Variants in RASSF10 observed in about 807,000 individuals in gnomAD.
The protein encoded by RASSF10 is ras association domain-containing protein 10.
Under a neutral mutation model 41.5 loss-of-function variants are expected in RASSF10, and 22 were observed. That is an observed-to-expected ratio of 0.53 (90% confidence interval 0.38 to 0.76). The LOEUF is 0.76. Among genes scored for constraint, RASSF10 ranks in the 30% least tolerant of loss-of-function variants. RASSF10 has a pLI of 0.00. For missense variants in RASSF10, 776 were observed against 711.8 expected (o/e 1.09, Z -1.03); for synonymous variants, 364 against 319.0 (o/e 1.14, Z -1.50).
Position 13,009,944 on chromosome 11 carries a change from A to C in RASSF10, c.368A>C (p.Asn123Thr). Residue 123 changes from asparagine (N) to threonine (T), a missense_variant, in exon 1 of 1, where the codon AAT (asparagine) becomes ACT (threonine). Physicochemically the swap from Asn to Thr is moderately conservative, Grantham distance 65. Coordinates refer to ENST00000529419, the MANE Select transcript of RASSF10 (RefSeq NM_001080521.3). ...GCTGCCTGGGGCGAAGAGCAAGAGA[A>C]TGTGCGCTTCGTGCTAGTGCGCAGC... is the stretch of plus-strand genomic sequence containing the variant. Reference protein sequence around the residue: ...LWAAWGEEQENVRFVLVRSEA... With the variant: ...LWAAWGEEQETVRFVLVRSEA... 6.3e-7 allele frequency: 1 copy of C among 1,586,688 alleles called. No homozygotes were observed. Among genetic ancestry groups the C allele is most frequent in the South Asian group, 1.1e-5 (1 of 87,630 alleles).
At position 13,009,972 on chromosome 11, in the gene RASSF10, G is replaced by A; in HGVS notation, c.396G>A (p.Glu132=). Residue 132 remains glutamate (E), a synonymous_variant, in exon 1 of 1, where the codon GAG becomes GAA. Coordinates refer to ENST00000529419, the MANE Select transcript of RASSF10 (RefSeq NM_001080521.3). ...ENVRFVLVRS[E]ASLPNAGPRS... ...TGCGCTTCGTGCTAGTGCGCAGCGAGGCATCGCTGCCTAACGCCGGCCCCC... is the reference window on the plus strand; with the variant it reads ...TGCGCTTCGTGCTAGTGCGCAGCGAAGCATCGCTGCCTAACGCCGGCCCCC... 2 of 1,559,224 alleles carry A rather than the reference G, an allele frequency of 1.3e-6. No homozygotes were observed. Among genetic ancestry groups the A allele is most frequent in the Non-Finnish European group, 8.7e-7 (1 of 1,151,228 alleles).
Position 13,011,067 on chromosome 11 carries a change from G to T in RASSF10, c.1491G>T (p.Ser497=). ...TGAGCTCTATGCATAGCCAAGACTC[G>T]GACTCCTTGCCCATGTGCGAATCCC... The part of the protein sequence containing the change: ...TGLSSMHSQD[S]DSLPMCESLV The change falls in exon 1 of 1, where the codon TCG becomes TCT. Residue 497 remains serine (S), a synonymous_variant. Transcript: ENST00000529419. The T allele has an allele frequency of 2.1e-6, 3 of 1,401,396 alleles. No homozygotes were observed. Among genetic ancestry groups the T allele is most frequent in the Non-Finnish European group, 2.9e-6 (3 of 1,046,656 alleles). 86.8% of individuals were successfully genotyped at this position (1,401,396 alleles called of 1,614,324 possible). A position where few individuals can be genotyped will look rare whatever the true frequency, so the allele number is the denominator to read the frequency against.
rs745836688 is a variant in RASSF10 at position 13,011,013 on chromosome 11, T to A, written c.1437T>A (p.Pro479=). 2 of 1,612,830 alleles carry A rather than the reference T, an allele frequency of 1.2e-6. No individual in the cohort carries two copies. Among genetic ancestry groups the A allele is most frequent in the Non-Finnish European group, 1.7e-6 (2 of 1,179,744 alleles). Residue 479 remains proline, a synonymous_variant, in exon 1 of 1, where the codon CCT becomes CCA. Transcript: ENST00000529419. ...DQARGLAKSG[P]GNDEDSDTGL... Reference sequence around the variant, plus strand: ...CCCGTGGACTGGCCAAGAGCGGTCCTGGCAACGACGAAGACTCGGATACGG... The same window carrying A: ...CCCGTGGACTGGCCAAGAGCGGTCCAGGCAACGACGAAGACTCGGATACGG...
chr11:13,011,306 A>G lies in RASSF10; in HGVS notation c.*206A>G, dbSNP rs1377963771. ...GAGGGTAGAAGAAGTAGGATCCTCA[A>G]TACAAGCTCATTAAAGAGAGGGAAG... On this transcript the variant is annotated 3_prime_UTR_variant, in exon 1 of 1. Transcript: ENST00000529419. 4.4e-5 allele frequency: 24 copies of G among 542,252 alleles called. No individual in the cohort carries two copies. The highest frequency in any genetic ancestry group is 7.2e-5 in the Non-Finnish European group (22 of 305,780). The allele number at this position is 542,252 out of a possible 1,614,324, so 33.6% of individuals were successfully genotyped here. A position where few individuals can be genotyped will look rare whatever the true frequency, so the allele number is the denominator to read the frequency against.
At position 13,010,484 on chromosome 11, in the gene RASSF10, A is replaced by AGGCGGC; in HGVS notation, c.916_921dup (p.Ala306_Ala307dup). ...GAAGAGGTGGCGGCGGAGGCGGAGG[A>AGGCGGC]GGCGGCGGCGGCGCCCCCTCTAGCC... On this transcript the variant is annotated inframe_insertion, in exon 1 of 1. Coordinates refer to ENST00000529419, the MANE Select transcript of RASSF10 (RefSeq NM_001080521.3). This position sits in a 1 kb window ranked among gnomAD's most constrained non-coding sequence, Gnocchi z 4.8. The AGGCGGC allele has an allele frequency of 6.6e-7, 1 of 1,517,746 alleles. No homozygotes were observed. Among genetic ancestry groups the AGGCGGC allele is most frequent in the African/African-American group, 1.4e-5 (1 of 71,888 alleles). 94.0% of individuals were successfully genotyped at this position (1,517,746 alleles called of 1,614,324 possible). A position where few individuals can be genotyped will look rare whatever the true frequency, so the allele number is the denominator to read the frequency against.
chr11:13,010,200 G>C lies in RASSF10; in HGVS notation c.624G>C (p.Ser208=), dbSNP rs544167868. ...CGTCCACTTCGTCGTCCACTGCCTCGTCCTGCTCTTCGTCGCCGCGGACCC... is the reference window on the plus strand; with the variant it reads ...CGTCCACTTCGTCGTCCACTGCCTCCTCCTGCTCTTCGTCGCCGCGGACCC... ...SCSSTSSSTA[S]SCSSSPRTHE... The change falls in exon 1 of 1, where the codon TCG becomes TCC. Residue 208 remains serine, a synonymous_variant. Coordinates refer to ENST00000529419, the MANE Select transcript of RASSF10 (RefSeq NM_001080521.3). The surrounding 1 kb of genome is among the most constrained non-coding windows in gnomAD (Gnocchi z 4.8). 17 of 1,595,870 alleles carry C rather than the reference G, an allele frequency of 1.1e-5. No homozygotes were observed. The East Asian group carries it at 3.4e-4, about 32-fold the overall frequency.
Position 13,011,008 on chromosome 11 carries a change from G to T in RASSF10, c.1432G>T (p.Gly478Cys), listed in dbSNP as rs372944118. 1 of 1,613,376 alleles carries T rather than the reference G, an allele frequency of 6.2e-7. No homozygotes were observed. The highest frequency in any genetic ancestry group is 2.2e-5 in the East Asian group (1 of 44,824). ...CCAGGCCCGTGGACTGGCCAAGAGCGGTCCTGGCAACGACGAAGACTCGGA... is the reference window on the plus strand; with the variant it reads ...CCAGGCCCGTGGACTGGCCAAGAGCTGTCCTGGCAACGACGAAGACTCGGA... ...VDQARGLAKSGPGNDEDSDTG... is the reference protein window; with the variant it reads ...VDQARGLAKSCPGNDEDSDTG... The change falls in exon 1 of 1, where the codon GGT (glycine) becomes TGT (cysteine). Residue 478 changes from glycine (G) to cysteine (C), a missense_variant. By Grantham distance (159) the Gly-to-Cys change is radical (BLOSUM62 -3). Coordinates refer to ENST00000529419, the MANE Select transcript of RASSF10 (RefSeq NM_001080521.3).
chr11:13,011,147 T>G lies in RASSF10; in HGVS notation c.*47T>G. 1 of 1,244,990 alleles carries G rather than the reference T, an allele frequency of 8.0e-7. No individual in the cohort carries two copies. Among genetic ancestry groups the G allele is most frequent in the Non-Finnish European group, 1.1e-6 (1 of 910,328 alleles). The allele number at this position is 1,244,990 out of a possible 1,614,324, so 77.1% of individuals were successfully genotyped here. On this transcript the variant is annotated 3_prime_UTR_variant, in exon 1 of 1. Coordinates refer to ENST00000529419, the MANE Select transcript of RASSF10 (RefSeq NM_001080521.3). ...GGGCGGGAACAGGGGGATTCTTTTT[T>G]CTTGCAGAATGCAGTGGGCCAGCCG... is the stretch of plus-strand genomic sequence containing the variant.
Position 13,009,522 on chromosome 11 carries a change from C to A in RASSF10, c.-55C>A. On this transcript the variant is annotated 5_prime_UTR_variant, in exon 1 of 1. Coordinates refer to ENST00000529419, the MANE Select transcript of RASSF10 (RefSeq NM_001080521.3). ...AGAGCTACTGGGCTGCCCTTGCTGT[C>A]CTCGCCGCCCCAGCAGACCCCGGCC... is the stretch of plus-strand genomic sequence containing the variant. The A allele has an allele frequency of 6.4e-7, 1 of 1,573,884 alleles. No homozygotes were observed. The highest frequency in any genetic ancestry group is 8.6e-7 in the Non-Finnish European group (1 of 1,159,272).
In RASSF10 at chr11:13,010,099, C is replaced by A. The variant is rs1454141058; in HGVS notation, c.523C>A (p.Arg175=). 6.4e-7 allele frequency: 1 copy of A among 1,550,876 alleles called. No homozygotes were observed. The highest frequency in any genetic ancestry group is 8.7e-7 in the Non-Finnish European group (1 of 1,147,220). ...GGCCATGACCCAGGAGAAACAGCGG[C>A]GAGTGGTGCGCAAGGCCTTTCGCAA... ...SLAMTQEKQR[R]VVRKAFRKLA... is the part of the protein sequence containing the mutation. Residue 175 remains arginine (R), a synonymous_variant, in exon 1 of 1, where the codon CGA becomes AGA. Transcript: ENST00000529419. The surrounding 1 kb of genome is among the most constrained non-coding windows in gnomAD (Gnocchi z 4.8).
In RASSF10 at chr11:13,010,238, C is replaced by T. The variant is rs1442777091; in HGVS notation, c.662C>T (p.Ser221Leu). ...TCGCCGCGGACCCACGAGAGCGCGTCGGTGGAGCGCATGGAGACGCTGGTG... is the reference window on the plus strand; with the variant it reads ...TCGCCGCGGACCCACGAGAGCGCGTTGGTGGAGCGCATGGAGACGCTGGTG... ...SSSPRTHESASVERMETLVHL... is the reference protein window; with the variant it reads ...SSSPRTHESALVERMETLVHL... The change falls in exon 1 of 1, where the codon TCG becomes TTG. Residue 221 changes from serine to leucine, a missense_variant. Ser to Leu is a moderately radical substitution (Grantham distance 145). Coordinates refer to ENST00000529419, the MANE Select transcript of RASSF10 (RefSeq NM_001080521.3). The surrounding 1 kb of genome is among the most constrained non-coding windows in gnomAD (Gnocchi z 4.8). 11 of 1,584,624 alleles carry T rather than the reference C, an allele frequency of 6.9e-6. No homozygotes were observed. Among genetic ancestry groups the T allele is most frequent in the Middle Eastern group, 1.7e-4 (1 of 6,028 alleles).
chr11:13,011,420 A>G lies in RASSF10; in HGVS notation c.*320A>G. ...GAGCCCATTTTCAAAGTAAGGAAGTATAATGGAGATTTCGCTACTCTTCTG... is the reference window on the plus strand; with the variant it reads ...GAGCCCATTTTCAAAGTAAGGAAGTGTAATGGAGATTTCGCTACTCTTCTG... On this transcript the variant is annotated 3_prime_UTR_variant, in exon 1 of 1. Transcript: ENST00000529419. The G allele has an allele frequency of 3.8e-6, 1 of 261,772 alleles. No homozygotes were observed. The highest frequency in any genetic ancestry group is 9.8e-5 in the South Asian group (1 of 10,218). 16.2% of individuals were successfully genotyped at this position (261,772 alleles called of 1,614,324 possible).
Position 13,009,582 on chromosome 11 carries a change from T to G in RASSF10, c.6T>G (p.Asp2Glu), listed in dbSNP as rs1483079629. Residue 2 changes from aspartate (D) to glutamate (E), a missense_variant, in exon 1 of 1, where the codon GAT (aspartate) becomes GAG (glutamate). Physicochemically the swap from Asp to Glu is conservative, Grantham distance 45. Coordinates refer to ENST00000529419, the MANE Select transcript of RASSF10 (RefSeq NM_001080521.3). M[D>E]PSEKKISVWI... is the part of the protein sequence containing the mutation. ...ACCTGCGCCCTGGTTGCGCCATGGATCCTTCGGAAAAGAAGATATCGGTGT... is the reference window on the plus strand; with the variant it reads ...ACCTGCGCCCTGGTTGCGCCATGGAGCCTTCGGAAAAGAAGATATCGGTGT... The G allele has an allele frequency of 1.2e-6, 2 of 1,608,244 alleles. No individual in the cohort carries two copies. Among genetic ancestry groups the G allele is most frequent in the African/African-American group, 1.3e-5 (1 of 74,720 alleles).
In RASSF10 at chr11:13,010,183, T is replaced by C. The variant is rs576634906; in HGVS notation, c.607T>C (p.Ser203Pro). 1.7e-5 allele frequency: 27 copies of C among 1,593,562 alleles called. No individual in the cohort carries two copies. The Middle Eastern group carries it at 5.0e-4, about 29-fold the overall frequency. Residue 203 changes from serine (S) to proline (P), a missense_variant, in exon 1 of 1, where the codon TCG becomes CCG. By Grantham distance (74) the Ser-to-Pro change is moderately conservative. Coordinates refer to ENST00000529419, the MANE Select transcript of RASSF10 (RefSeq NM_001080521.3). This position sits in a 1 kb window ranked among gnomAD's most constrained non-coding sequence, Gnocchi z 4.8. ...QQTPSSCSST[S>P]SSTASSCSSS... is the part of the protein sequence containing the mutation. ...GACACCGTCGTCCTGTTCGTCCACT[T>C]CGTCGTCCACTGCCTCGTCCTGCTC...
Position 13,009,574 on chromosome 11 carries a change from G to T in RASSF10, c.-3G>T, listed in dbSNP as rs1255190261. 1.2e-5 allele frequency: 19 copies of T among 1,606,316 alleles called. No individual in the cohort carries two copies. Among genetic ancestry groups the T allele is most frequent in the Non-Finnish European group, 1.5e-5 (18 of 1,175,142 alleles). ...GACCTGCCACCTGCGCCCTGGTTGC[G>T]CCATGGATCCTTCGGAAAAGAAGAT... On this transcript the variant is annotated 5_prime_UTR_variant, in exon 1 of 1. Coordinates refer to ENST00000529419, the MANE Select transcript of RASSF10 (RefSeq NM_001080521.3).
chr11:13,009,952 T>C lies in RASSF10; in HGVS notation c.376T>C (p.Phe126Leu). The change falls in exon 1 of 1, where the codon TTC becomes CTC. Residue 126 changes from phenylalanine (F) to leucine (L), a missense_variant. By Grantham distance (22) the Phe-to-Leu change is conservative (BLOSUM62 0). Transcript: ENST00000529419. ...GGGCGAAGAGCAAGAGAATGTGCGC[T>C]TCGTGCTAGTGCGCAGCGAGGCATC... Reference protein sequence around the residue: ...AWGEEQENVRFVLVRSEASLP... With the variant: ...AWGEEQENVRLVLVRSEASLP... 1 of 1,578,424 alleles carries C rather than the reference T, an allele frequency of 6.3e-7. No individual in the cohort carries two copies. The highest frequency in any genetic ancestry group is 8.6e-7 in the Non-Finnish European group (1 of 1,161,502).
Position 13,011,237 on chromosome 11 carries a change from C to A in RASSF10, c.*137C>A. ...TCCGGCTGGGCAGCAGCGCTCTGCG[C>A]AGCCTCGCGCTCATCTGGCTCCGGG... On this transcript the variant is annotated 3_prime_UTR_variant, in exon 1 of 1. Transcript: ENST00000529419. The A allele has an allele frequency of 1.4e-6, 1 of 690,956 alleles. No individual in the cohort carries two copies. Among genetic ancestry groups the A allele is most frequent in the Non-Finnish European group, 2.4e-6 (1 of 419,932 alleles). The allele number at this position is 690,956 out of a possible 1,614,324, so 42.8% of individuals were successfully genotyped here. A position where few individuals can be genotyped will look rare whatever the true frequency, so the allele number is the denominator to read the frequency against.
rs749443161 is a variant in RASSF10, at chr11:13,010,466, T to TGGCGGCGGA, written c.896_904dup (p.Ala299_Ala301dup). 3.3e-5 allele frequency: 50 copies of TGGCGGCGGA among 1,527,640 alleles called. No individual in the cohort carries two copies. In the African/African-American group the frequency reaches 5.0e-4, roughly 15 times the overall value. 94.6% of individuals were successfully genotyped at this position (1,527,640 alleles called of 1,614,324 possible). A position where few individuals can be genotyped will look rare whatever the true frequency, so the allele number is the denominator to read the frequency against. On this transcript the variant is annotated inframe_insertion, in exon 1 of 1. Coordinates refer to ENST00000529419, the MANE Select transcript of RASSF10 (RefSeq NM_001080521.3). The surrounding 1 kb of genome is among the most constrained non-coding windows in gnomAD (Gnocchi z 4.8). ...AGACCGGGAGAGGAGCCAGAAGAGG[T>TGGCGGCGGA]GGCGGCGGAGGCGGAGGAGGCGGCG...
Position 13,009,911 on chromosome 11 carries a change from G to C in RASSF10, c.335G>C (p.Arg112Pro). 6.2e-7 allele frequency: 1 copy of C among 1,601,618 alleles called. No individual in the cohort carries two copies. Among genetic ancestry groups the C allele is most frequent in the South Asian group, 1.1e-5 (1 of 89,174 alleles). Residue 112 changes from arginine to proline, a missense_variant, in exon 1 of 1, where the codon CGC becomes CCC. Transcript: ENST00000529419. ...CTCCCCAACAAGACGCGCATCTTGC[G>C]CCTCTGGGCTGCCTGGGGCGAAGAG... ...RILPNKTRIL[R>P]LWAAWGEEQE...
Sources: gnomAD v4.1 joint callset for allele counts on GRCh38, gnomAD v4.1.1 for gene constraint, Gnocchi (gnomAD v3.1) non-coding constraint, MANE v1.5 for transcripts, NCBI Gene and HGNC (gene_info 2026-07-23, HGNC 2026-07-21) for gene names.